The following TTC28 variants were observed in gnomAD, a reference collection of about 807,000 sequenced individuals.
TTC28 encodes tetratricopeptide repeat domain 28.
In TTC28, 61 loss-of-function variants were observed where a neutral mutation model predicts 198.0. The ratio of observed to expected loss-of-function variants is 0.31; its 90% confidence interval spans 0.25 to 0.38. The LOEUF is 0.38. TTC28 is among the 10% of genes least tolerant of loss of function. The pLI, the probability that TTC28 is intolerant of heterozygous loss-of-function variation, is 1.00. For synonymous variants in TTC28, 1,171 were observed against 1,297.8 expected, an observed-to-expected ratio of 0.90 and a Z score of 2.10; for missense variants, 2,678 against 3,164.0, an observed-to-expected ratio of 0.85 and a Z score of 3.69.
chr22:28,409,717 C>T (rs1178701812), intron 2 of TTC28, among the ~76,000 whole-genome samples: 3 of 148,960 alleles, frequency 2.0e-5, no homozygotes, highest in Non-Finnish European at 4.4e-5. Context: ...ATTGCAGTGG[C>T]AAGATCTTGG....
At chr22:28,335,441 T>C (rs888799988) in intron 2 of TTC28, among the ~76,000 whole-genome samples, 3 of 152,218 alleles carry the variant, frequency 2.0e-5, no homozygotes, top group African/African-American at 7.2e-5. Flanking sequence ...TAAATTACCT[T>C]GGGCTGTATT....
chr22:28,037,462 C>A (rs1939409794), intron 12 of TTC28, among the ~76,000 whole-genome samples: 1 of 152,164 alleles, frequency 6.6e-6, no homozygotes, highest in Non-Finnish European at 1.5e-5. Context: ...TGGCAAAATT[C>A]AACAACCCTT....
chr22:28,644,505 T>C (rs531925892), intron 1 of TTC28, among the ~76,000 whole-genome samples: 2 of 150,934 alleles, frequency 1.3e-5, no homozygotes, highest in African/African-American at 4.9e-5. Context: ...GCTAGAACTA[T>C]ATCCAAAGTT....
Position 27,982,838 on chromosome 22 carries a change from G to T in TTC28, c.6829C>A (p.Gln2277Lys), listed in dbSNP as rs1159038935. 6.5e-7 allele frequency: 1 copy of T among 1,541,950 alleles called. No individual in the cohort carries two copies. The highest frequency in any genetic ancestry group is 2.5e-5 in the East Asian group (1 of 40,796). ...AGAGGCTGGTCCAGCTGGGAAGTCT[G>T]TGAGTCGCAGCCGGGCGATGGCCGG... is the stretch of plus-strand genomic sequence containing the variant. ...SGRPSPGCDS[Q>K]TSQLDQPLFK... The change falls in exon 23 of 23, where the codon CAG (glutamine) becomes AAG (lysine). Residue 2277 changes from glutamine to lysine, a missense_variant. Around this residue, in one of 8 missense-constraint regions of TTC28, gnomAD observed 622 missense variants for 656.0 expected, o/e 0.95. Coordinates refer to ENST00000397906, the MANE Select transcript of TTC28 (RefSeq NM_001145418.2). The surrounding 1 kb of genome is among the most constrained non-coding windows in gnomAD (Gnocchi z 5.2).
chr22:28,108,349 G>T lies in TTC28; in HGVS notation c.1496C>A (p.Thr499Asn). The change falls in exon 7 of 23, where the codon ACC becomes AAC. Residue 499 changes from threonine (T) to asparagine (N), a missense_variant. Coordinates refer to ENST00000397906, the MANE Select transcript of TTC28 (RefSeq NM_001145418.2). ...CAGCTCCTGGGCAATGCACAGGTGG[G>T]TCTTGTGGAGTTTCAGTGCAGTGTC... ...DYDTALKLHKTHLCIAQELSD... is the reference protein window; with the variant it reads ...DYDTALKLHKNHLCIAQELSD... The T allele has an allele frequency of 1.3e-6, 2 of 1,488,050 alleles. No individual in the cohort carries two copies. The highest frequency in any genetic ancestry group is 1.8e-6 in the Non-Finnish European group (2 of 1,113,046). 92.2% of individuals were successfully genotyped at this position (1,488,050 alleles called of 1,614,324 possible). A position where few individuals can be genotyped will look rare whatever the true frequency, so the allele number is the denominator to read the frequency against.
chr22:28,343,430 T>C (rs968233385), intron 2 of TTC28, among the ~76,000 whole-genome samples: 4 of 151,348 alleles, frequency 2.6e-5, no homozygotes, highest in Admixed American at 6.6e-5. Context: ...CTTGGGAGGC[T>C]GAGACAGGAG....
At chr22:28,531,630 T>G (rs1282039597) in intron 2 of TTC28, among the ~76,000 whole-genome samples, 1 of 152,124 alleles carries the variant, frequency 6.6e-6, no homozygotes, top group Non-Finnish European at 1.5e-5. Flanking sequence ...CACATCACAC[T>G]TATTCCAAAA....
intron 2 of TTC28, among the ~76,000 whole-genome samples, chr22:28,551,786 A>C (rs1378106169): frequency 6.6e-6 from 1 of 152,210 alleles, no homozygotes; most frequent in African/African-American, 2.4e-5. Flanking sequence ...TAACAAAGAA[A>C]ACTTGAAAGC....
chr22:28,239,319 G>A (rs1414997792), intron 5 of TTC28, among the ~76,000 whole-genome samples: 1 of 152,006 alleles, frequency 6.6e-6, no homozygotes, highest in Non-Finnish European at 1.5e-5. Context: ...CTTAAAATAT[G>A]ACCAGTGACT....
At chr22:28,447,959 A>T (rs1336552696) in intron 2 of TTC28, among the ~76,000 whole-genome samples, 1 of 152,096 alleles carries the variant, frequency 6.6e-6, no homozygotes, top group African/African-American at 2.4e-5. Flanking sequence ...AAATCACCTT[A>T]TTGTTTCTTC....
intron 2 of TTC28, among the ~76,000 whole-genome samples, chr22:28,474,887 A>G (rs947451924): frequency 3.9e-5 from 6 of 152,198 alleles, no homozygotes; most frequent in Non-Finnish European, 8.8e-5. Context: ...AACAAAAAAA[A>G]GTAATTTGGG....
At chr22:28,228,047 G>A (rs1012385474) in intron 5 of TTC28, among the ~76,000 whole-genome samples, 2 of 152,064 alleles carry the variant, frequency 1.3e-5, no homozygotes, top group African/African-American at 4.8e-5. Flanking sequence ...CAAAAAGAAG[G>A]AAATTCTGAT....
chr22:28,141,952 A>G (rs1943346479), intron 6 of TTC28, among the ~76,000 whole-genome samples: 1 of 152,202 alleles, frequency 6.6e-6, no homozygotes, highest in Admixed American at 6.5e-5. Flanking sequence ...ATTTTTGGTC[A>G]TTTAAATAAT....
chr22:28,051,870 G>A (rs1190186213), intron 12 of TTC28, among the ~76,000 whole-genome samples: 1 of 152,152 alleles, frequency 6.6e-6, no homozygotes, highest in Non-Finnish European at 1.5e-5. Context: ...TGGGGCCTAA[G>A]GGTGAGGTGT....
intron 12 of TTC28, among the ~76,000 whole-genome samples, chr22:28,077,061 T>C (rs1941193183): frequency 6.6e-6 from 1 of 152,258 alleles, no homozygotes; most frequent in African/African-American, 2.4e-5. Context: ...ATTATAGTTC[T>C]ATTATGTAGC....
At chr22:28,243,961 T>C (rs953216959) in intron 5 of TTC28, among the ~76,000 whole-genome samples, 1 of 152,162 alleles carries the variant, frequency 6.6e-6, no homozygotes, top group Admixed American at 6.5e-5. Flanking sequence ...TCGTTGTCCT[T>C]ATGGAGCTTA....
intron 2 of TTC28, among the ~76,000 whole-genome samples, chr22:28,467,722 G>C (rs984692447): frequency 1.2e-4 from 19 of 152,228 alleles, no homozygotes; most frequent in African/African-American, 4.1e-4. Flanking sequence ...TAGAATTTTT[G>C]TTATATCAGA....
intron 2 of TTC28, among the ~76,000 whole-genome samples, chr22:28,600,147 C>G (rs2050615015): frequency 6.6e-6 from 1 of 151,976 alleles, no homozygotes; most frequent in African/African-American, 2.4e-5. Context: ...TAATCCCAGC[C>G]ATTTTGGGAG....
chr22:28,534,990 A>AT (rs1327755509), intron 2 of TTC28, among the ~76,000 whole-genome samples: 1 of 152,126 alleles, frequency 6.6e-6, no homozygotes, highest in African/African-American at 2.4e-5. Context: ...GCACACCAAC[A>AT]TGGCACATGT....
Sources: allele counts gnomAD v4.1 joint callset (sites outside exome capture counted in the v4.1 genomes callset), GRCh38; gene constraint gnomAD v4.1.1; regional missense constraint gnomAD v4.1.1; non-coding constraint Gnocchi (gnomAD v3.1); transcripts MANE v1.5; gene names NCBI Gene and HGNC (gene_info 2026-07-23, HGNC 2026-07-21).